Variants in PIKFYVE observed in about 807,000 individuals in gnomAD.
PIKFYVE encodes the protein 1-phosphatidylinositol 3-phosphate 5-kinase.
Under a neutral mutation model 257.9 loss-of-function variants are expected in PIKFYVE, and 122 were observed. The ratio of observed to expected loss-of-function variants is 0.47; its 90% CI spans 0.41 to 0.55. PIKFYVE has a LOEUF of 0.55. PIKFYVE is among the 20% of genes least tolerant of loss of function. The probability of loss-of-function intolerance (pLI) is 0.00; values close to 1 mark genes in which losing one functional copy is unlikely to be tolerated. For missense variants in PIKFYVE, 2,160 were observed against 2,536.6 expected (o/e 0.85, Z 3.19); for synonymous variants, 892 against 868.9 (o/e 1.03, Z -0.47).
In PIKFYVE at chr2:208,354,586, T is replaced by G; in HGVS notation, c.6122T>G (p.Phe2041Cys). Residue 2041 changes from phenylalanine to cysteine, a missense_variant, in exon 41 of 42, where the codon TTT becomes TGT. Around this residue, in one of 12 missense-constraint regions of PIKFYVE, gnomAD observed 38 missense variants for 77.7 expected, o/e 0.49. Transcript: ENST00000264380. ...TACCCCCCAGATTATATTCGAACAT[T>G]TACATGGGACAAAAAGCTTGAGATG... The part of the protein sequence containing the change: ...VVGIIDYIRT[F>C]TWDKKLEMVV... 1 of 1,612,858 alleles carries G rather than the reference T, an allele frequency of 6.2e-7. No homozygotes were observed. Among genetic ancestry groups the G allele is most frequent in the Non-Finnish European group, 8.5e-7 (1 of 1,178,942 alleles).
intron 1 of PIKFYVE, chr2:208,269,260 A>G (rs1285079864): frequency 6.6e-6 from 1 of 152,496 alleles, no homozygotes; most frequent in Non-Finnish European, 1.5e-5. Flanking sequence ...ATTTTGAAAC[A>G]GTAGGTAGCC....
At chr2:208,269,126 G>GTAGCTA (rs1317325645) in intron 1 of PIKFYVE, among the ~76,000 whole-genome samples, 3 of 152,092 alleles carry the variant, frequency 2.0e-5, no homozygotes, top group African/African-American at 7.2e-5. Flanking sequence ...AAATGAGATG[G>GTAGCTA]TAGCTATGAT....
chr2:208,298,502 G>A (rs1693271312), intron 7 of PIKFYVE, 139 bp from the exon 8 acceptor site: 1 of 1,060,714 alleles, frequency 9.4e-7, no homozygotes. Flanking sequence ...ATAATATCAT[G>A]CATAACCATC....
At chr2:208,299,812 C>G (rs144223718) in intron 8 of PIKFYVE, among the ~76,000 whole-genome samples, 202 of 152,256 alleles carry the variant, frequency 1.3e-3, no homozygotes, top group African/African-American at 4.8e-3. Flanking sequence ...AAGAGTGACT[C>G]AGAGAAATGG....
Position 208,271,549 on chromosome 2 carries a change from A to G in PIKFYVE, c.30A>G (p.Thr10=), listed in dbSNP as rs779604781. Residue 10 remains threonine (T), a synonymous_variant, in exon 2 of 42, where the codon ACA becomes ACG. Coordinates refer to ENST00000264380, the MANE Select transcript of PIKFYVE (RefSeq NM_015040.4). The part of the protein sequence containing the change: MATDDKTSP[T]LDSANDLPRS... ...CCACAGATGATAAGACGTCCCCAACACTGGACTCTGCTAATGATTTGCCTC... is the reference window on the plus strand; with the variant it reads ...CCACAGATGATAAGACGTCCCCAACGCTGGACTCTGCTAATGATTTGCCTC... 3.7e-6 allele frequency: 6 copies of G among 1,614,044 alleles called. No homozygotes were observed. The African/African-American group carries it at 8.0e-5, about 22-fold the overall frequency.
At chr2:208,296,402 C>A (rs375820921) in intron 7 of PIKFYVE, among the ~76,000 whole-genome samples, 1 of 152,164 alleles carries the variant, frequency 6.6e-6, no homozygotes, top group African/African-American at 2.4e-5. Context: ...AAAGGTGACT[C>A]AGGTCTTTGA....
rs1696648158 is a variant in PIKFYVE at position 208,324,219 on chromosome 2, G to A, written c.2268G>A (p.Val756=). The part of the protein sequence containing the change: ...RPTLVLVEKT[V]SRIAQDMLLE... ...CCTTGGTTCTTGTTGAGAAAACAGTGTCTCGGATTGCCCAGGACATGTTAT... is the reference window on the plus strand; with the variant it reads ...CCTTGGTTCTTGTTGAGAAAACAGTATCTCGGATTGCCCAGGACATGTTAT... The change falls in exon 18 of 42, where the codon GTG becomes GTA. Residue 756 remains valine, a synonymous_variant. Transcript: ENST00000264380. The A allele has an allele frequency of 6.2e-7, 1 of 1,613,858 alleles. No individual in the cohort carries two copies. The highest frequency in any genetic ancestry group is 1.3e-5 in the African/African-American group (1 of 74,900).
chr2:208,277,736 A>G, intron 5 of PIKFYVE, 28 bp downstream of exon 5: 2 of 1,608,742 alleles, frequency 1.2e-6, no homozygotes, highest in Non-Finnish European at 1.7e-6. Context: ...CCAGTTTACA[A>G]TTTTTAAAGG....
intron 5 of PIKFYVE, among the ~76,000 whole-genome samples, chr2:208,279,010 T>A (rs1248994489): frequency 6.6e-6 from 1 of 152,218 alleles, no homozygotes; most frequent in Non-Finnish European, 1.5e-5. Context: ...CTGAACTAAT[T>A]TACATTCCCA....
chr2:208,278,532 T>A (rs1356804947), intron 5 of PIKFYVE, among the ~76,000 whole-genome samples: 1 of 152,100 alleles, frequency 6.6e-6, no homozygotes, highest in Non-Finnish European at 1.5e-5. Flanking sequence ...TATCCAGTAG[T>A]TAGTTTTTCA....
At chr2:208,352,515 A>T in intron 38 of PIKFYVE, 139 bp from the exon 39 acceptor site, 1 of 869,986 alleles carries the variant, frequency 1.1e-6, no homozygotes, top group Non-Finnish European at 1.7e-6. Context: ...GAGATTCAAG[A>T]GTTTGAGTTT....
chr2:208,335,946 T>G, intron 26 of PIKFYVE, 45 bp downstream of exon 26: 4 of 1,575,078 alleles, frequency 2.5e-6, no homozygotes, highest in Non-Finnish European at 3.5e-6. Context: ...AATTATTGAT[T>G]AAAAATTATT....
chr2:208,323,881 T>C (rs1696600517), intron 17 of PIKFYVE, among the ~76,000 whole-genome samples: 1 of 152,240 alleles, frequency 6.6e-6, no homozygotes, highest in African/African-American at 2.4e-5. Context: ...CATTTTTTCA[T>C]GTGTCTGTTG....
rs74819798 is a variant in PIKFYVE, at chr2:208,286,204, G to A, written c.821+271G>A. On this transcript the variant is annotated intron_variant, in intron 6 of 41. Transcript: ENST00000264380. ...AGGCACCAAGAACAGCGCATGGCAT[G>A]TATATAATCTTGATAATATTTGTTG... Among the ~76,000 whole-genome samples, 362 of 152,256 alleles carry A rather than the reference G, an allele frequency of 2.4e-3. 2 individuals are homozygous for A. The highest frequency in any genetic ancestry group is 8.3e-3 in the African/African-American group (346 of 41,548).
At chr2:208,284,896 T>TGCCCTCAAACAGTCCTCCC (rs1422021410) in intron 5 of PIKFYVE, among the ~76,000 whole-genome samples, 1 of 151,704 alleles carries the variant, frequency 6.6e-6, no homozygotes, top group East Asian at 2.0e-4. Context: ...CTTGAGCTCC[T>TGCCCTCAAACAGTCCTCCC]GCCCTCAAAC....
intron 12 of PIKFYVE, among the ~76,000 whole-genome samples, chr2:208,309,926 A>T (rs1257279123): frequency 4.6e-5 from 7 of 152,232 alleles, no homozygotes; most frequent in African/African-American, 7.2e-5. Context: ...TGAGAATATT[A>T]CAGAGGAGGT....
In PIKFYVE at chr2:208,326,447, C is replaced by G. The variant is rs1269776334; in HGVS notation, c.3618+18C>G. 5 of 1,609,652 alleles carry G rather than the reference C, an allele frequency of 3.1e-6. No individual in the cohort carries two copies. Among genetic ancestry groups the G allele is most frequent in the Non-Finnish European group, 4.3e-6 (5 of 1,176,182 alleles). ...CAACAAAGGTGAGCCAGACCACTTT[C>G]TGATGCTCCTGTGCATTTAGGATGT... On this transcript the variant is annotated intron_variant, in intron 20 of 41. Transcript: ENST00000264380.
chr2:208,318,189 A>T (rs1188497835), intron 16 of PIKFYVE, among the ~76,000 whole-genome samples: 1 of 152,226 alleles, frequency 6.6e-6, no homozygotes, highest in African/African-American at 2.4e-5. Context: ...CTTCTAGATT[A>T]ACAGAATGAT....
chr2:208,336,962 C>T (rs1273518523), intron 28 of PIKFYVE, 34 bp downstream of exon 28: 19 of 1,471,506 alleles, frequency 1.3e-5, no homozygotes, highest in Non-Finnish European at 1.7e-5. Flanking sequence ...GGTCCTTAAT[C>T]AATAGAAATA....
Sources: allele counts gnomAD v4.1 joint callset (sites outside exome capture counted in the v4.1 genomes callset), GRCh38; gene constraint gnomAD v4.1.1; regional missense constraint gnomAD v4.1.1; transcripts MANE v1.5; gene names NCBI Gene and HGNC (gene_info 2026-07-23, HGNC 2026-07-21).